BRINP1: variants seen among roughly 807,000 people sequenced by gnomAD.
BRINP1 encodes the protein BMP/retinoic acid-inducible neural-specific protein 1.
BRINP1 carries 17 observed loss-of-function variants against 72.9 expected under a neutral mutation model. The observed-to-expected ratio is 0.23, with a 90% CI of 0.16 to 0.35. The LOEUF (loss-of-function observed/expected upper bound fraction) is 0.35, where lower values mean the gene tolerates loss of function less well. Among genes scored for constraint, BRINP1 ranks in the 10% least tolerant of loss-of-function variants. The pLI is 1.00. For synonymous variants in BRINP1, 418 were observed against 378.5 expected (o/e 1.10, Z -1.21); for missense variants, 850 against 1,001.6 (o/e 0.85, Z 2.04).
At chr9:119,308,770 G>A (rs948617522) in intron 2 of BRINP1, among the ~76,000 whole-genome samples, 2 of 152,076 alleles carry the variant, frequency 1.3e-5, no homozygotes, top group Non-Finnish European at 2.9e-5. Flanking sequence ...GAGATGCAAC[G>A]TAAGCCACAA....
chr9:119,325,891 C>T (rs1296740610), intron 1 of BRINP1, among the ~76,000 whole-genome samples: 1 of 152,160 alleles, frequency 6.6e-6, no homozygotes, highest in African/African-American at 2.4e-5. Flanking sequence ...CCAATTGCAC[C>T]AACTGAACAC....
At chr9:119,249,896 G>T (rs1588177493) in intron 2 of BRINP1, among the ~76,000 whole-genome samples, 1 of 125,562 alleles carries the variant, frequency 8.0e-6, no homozygotes, top group South Asian at 3.0e-4. Flanking sequence ...AGGAAGGGAG[G>T]GAGAGAGGGA....
intron 5 of BRINP1, among the ~76,000 whole-genome samples, chr9:119,223,307 T>C (rs1159008481): frequency 1.3e-5 from 2 of 152,110 alleles, no homozygotes; most frequent in Admixed American, 6.6e-5. Context: ...TATTTGGCTG[T>C]ATGTAAATTA....
chr9:119,330,829 C>T (rs1002546457), intron 1 of BRINP1, among the ~76,000 whole-genome samples: 1 of 152,006 alleles, frequency 6.6e-6, no homozygotes, highest in African/African-American at 2.4e-5. Flanking sequence ...AGTTCAAGAC[C>T]AGCCTGACCA....
In BRINP1 at chr9:119,270,247, T is replaced by C. The variant is rs529850339; in HGVS notation, c.219-21097A>G. ...ACTGACCATGCTGGACCTCACTGAC[T>C]ACTGTAAAGATGTTGGGTTTTGCTA... On this transcript the variant is annotated intron_variant, in intron 2 of 7. Coordinates refer to ENST00000265922, the MANE Select transcript of BRINP1 (RefSeq NM_014618.3). Among the ~76,000 whole-genome samples the C allele has an allele frequency of 2.0e-5, 3 of 152,320 alleles. No individual in the cohort carries two copies. The East Asian group carries it at 5.8e-4, about 29-fold the overall frequency.
chr9:119,341,639 C>G (rs12552505), intron 1 of BRINP1, among the ~76,000 whole-genome samples: 22 of 152,170 alleles, frequency 1.4e-4, no homozygotes, highest in Admixed American at 1.4e-3. Context: ...GGTAAGTGTT[C>G]TAAGCATGTT....
At chr9:119,202,189 T>C (rs966598856) in intron 7 of BRINP1, among the ~76,000 whole-genome samples, 2 of 152,216 alleles carry the variant, frequency 1.3e-5, no homozygotes, top group African/African-American at 4.8e-5. Context: ...TCTCTGTTCA[T>C]AAAGTGGGAT....
At chr9:119,356,790 G>A (rs1831571767) in intron 1 of BRINP1, among the ~76,000 whole-genome samples, 1 of 147,182 alleles carries the variant, frequency 6.8e-6, no homozygotes, top group South Asian at 2.4e-4. Flanking sequence ...GGGCAACAGA[G>A]TGAGGCTCCG....
In BRINP1 at chr9:119,256,047, G is replaced by A. The variant is rs76778967; in HGVS notation, c.219-6897C>T. ...ACGGTGTATTCATTCCTGGATATCC[G>A]TGTCTCTACCTGTGAAATAAACTGA... On this transcript the variant is annotated intron_variant, in intron 2 of 7. Transcript: ENST00000265922. 3.1e-3 allele frequency among the ~76,000 whole-genome samples: 469 copies of A among 149,838 alleles called. 2 individuals are homozygous for A. Among genetic ancestry groups the A allele is most frequent in the African/African-American group, 1.0e-2 (408 of 40,810 alleles).
chr9:119,168,987 T>C (rs1223129641), intron 7 of BRINP1, among the ~76,000 whole-genome samples: 12 of 152,200 alleles, frequency 7.9e-5, no homozygotes, highest in Admixed American at 7.9e-4. Flanking sequence ...ATTGGGTATA[T>C]ACCCAAAGGA....
At chr9:119,318,478 G>A (rs1246452460) in intron 1 of BRINP1, among the ~76,000 whole-genome samples, 2 of 152,152 alleles carry the variant, frequency 1.3e-5, no homozygotes, top group Non-Finnish European at 2.9e-5. Context: ...AAGGAGAAAG[G>A]TACATGAGCA....
chr9:119,266,394 T>C (rs1214950196), intron 2 of BRINP1, among the ~76,000 whole-genome samples: 1 of 152,234 alleles, frequency 6.6e-6, no homozygotes, highest in Non-Finnish European at 1.5e-5. Flanking sequence ...TGACAAATTA[T>C]AGGGTACAAA....
chr9:119,232,506 C>T (rs1395942203), intron 5 of BRINP1, among the ~76,000 whole-genome samples: 3 of 152,062 alleles, frequency 2.0e-5, no homozygotes. Context: ...TCTACATGAC[C>T]TGCTCCTTCA....
chr9:119,305,997 AG>A (rs1462504904), intron 2 of BRINP1, among the ~76,000 whole-genome samples: 1 of 152,194 alleles, frequency 6.6e-6, no homozygotes, highest in East Asian at 1.9e-4. Context: ...TGAAGCCCTA[AG>A]GGCTTTTCTC....
chr9:119,319,714 C>G (rs1239940724), intron 1 of BRINP1, among the ~76,000 whole-genome samples: 1 of 152,182 alleles, frequency 6.6e-6, no homozygotes, highest in Non-Finnish European at 1.5e-5. Context: ...AAAATGGGCA[C>G]AGTTACCCAA....
At chr9:119,330,187 G>C (rs1007026806) in intron 1 of BRINP1, among the ~76,000 whole-genome samples, 1 of 152,040 alleles carries the variant, frequency 6.6e-6, no homozygotes, top group Non-Finnish European at 1.5e-5. Context: ...TTCTTTCTCT[G>C]CCTTTTGCTA....
At chr9:119,175,531 G>A (rs1472151704) in intron 7 of BRINP1, among the ~76,000 whole-genome samples, 1 of 152,050 alleles carries the variant, frequency 6.6e-6, no homozygotes, top group Non-Finnish European at 1.5e-5. Context: ...AAAAAAAAGG[G>A]GGGGTTATTT....
chr9:119,179,566 A>C lies in BRINP1; in HGVS notation c.1146-11342T>G, dbSNP rs114105491. ...AGAGACTTGGTTGCTGAGGTCAAAA[A>C]AATCAGTGTTTCTTAAGTGTTTTCT... On this transcript the variant is annotated intron_variant, in intron 7 of 7. Transcript: ENST00000265922. 5.0e-3 allele frequency among the ~76,000 whole-genome samples: 760 copies of C among 152,276 alleles called. 6 individuals are homozygous for C. The highest frequency in any genetic ancestry group is 0.015 in the African/African-American group (640 of 41,566).
At chr9:119,219,892 A>G (rs1279123671) in intron 5 of BRINP1, among the ~76,000 whole-genome samples, 1 of 152,126 alleles carries the variant, frequency 6.6e-6, no homozygotes, top group African/African-American at 2.4e-5. Flanking sequence ...GGGATGAGGG[A>G]TCCACAGAAA....
Sources: allele counts gnomAD v4.1 joint callset (sites outside exome capture counted in the v4.1 genomes callset), GRCh38; gene constraint gnomAD v4.1.1; transcripts MANE v1.5; gene names NCBI Gene and HGNC (gene_info 2026-07-23, HGNC 2026-07-21).